The following AMDHD2 variants were observed in gnomAD, a reference collection of about 807,000 sequenced individuals.
The protein encoded by AMDHD2 is N-acetylglucosamine-6-phosphate deacetylase.
A neutral mutation model predicts 41.8 loss-of-function variants in AMDHD2; 24 were observed. The observed-to-expected ratio is 0.57, with a 90% CI of 0.42 to 0.81. AMDHD2 has a LOEUF of 0.81. Among genes scored for constraint, AMDHD2 ranks in the 30% least tolerant of loss-of-function variants. The pLI is 0.00. For missense variants in AMDHD2, 540 were observed against 588.5 expected (o/e 0.92, Z 0.85); for synonymous variants, 332 against 255.5 (o/e 1.30, Z -2.85).
chr16:2,527,894 C>G lies in AMDHD2; in HGVS notation c.537C>G (p.Asp179Glu), dbSNP rs1459602408. ...TGCTGGCCACCTACGGGCCCCTGGA[C>G]AATGTCCGCATCGTGACGCTGGCCC... The part of the protein sequence containing the change: ...QDLLATYGPL[D>E]NVRIVTLAPE... Residue 179 changes from aspartate to glutamate, a missense_variant, in exon 5 of 11, where the codon GAC becomes GAG. By Grantham distance (45) the Asp-to-Glu change is conservative. Transcript: ENST00000293971. This position sits in a 1 kb window ranked among gnomAD's most constrained non-coding sequence, Gnocchi z 6.1. 6.3e-7 allele frequency: 1 copy of G among 1,596,244 alleles called. No individual in the cohort carries two copies.
chr16:2,525,807 G>A (rs1472717804), intron 3 of AMDHD2, among the ~76,000 whole-genome samples: 2 of 152,176 alleles, frequency 1.3e-5, no homozygotes, highest in African/African-American at 2.4e-5. Context: ...GCCTCCCCAG[G>A]TGCTGGGATT....
rs1014954970 is a variant in AMDHD2 at position 2,521,037 on chromosome 16, G to A, written c.274G>A (p.Ala92Thr). ...QATEDVGSGV[A>T]LVARRILSHG... ...CACGGAGGACGTGGGTTCGGGGGTT[G>A]CCCTCGTGGCCCGGAGGATCCTGTC... Residue 92 changes from alanine (A) to threonine (T), a missense_variant, in exon 3 of 11, where the codon GCC becomes ACC. Coordinates refer to ENST00000293971, the MANE Select transcript of AMDHD2 (RefSeq NM_001330449.2). The A allele has an allele frequency of 3.1e-6, 5 of 1,611,138 alleles. No homozygotes were observed. The Admixed American group carries it at 6.7e-5, about 22-fold the overall frequency.
chr16:2,528,684 G>C lies in AMDHD2; in HGVS notation c.1005G>C (p.Met335Ile). Residue 335 changes from methionine (M) to isoleucine (I), a missense_variant, in exon 9 of 11, where the codon ATG becomes ATC. Transcript: ENST00000293971. ...CGCTGAGTGGCAGCATAGCCCCAAT[G>C]GACGTCTGTGTCCGGCACTTCCTGC... ...TKTLSGSIAP[M>I]DVCVRHFLQA... 7 of 1,612,860 alleles carry C rather than the reference G, an allele frequency of 4.3e-6. No homozygotes were observed. The highest frequency in any genetic ancestry group is 5.9e-6 in the Non-Finnish European group (7 of 1,179,962).
Position 2,527,530 on chromosome 16 carries a change from G to A in AMDHD2, c.361-31G>A. ...GTGGCCTCTGGGAATGGGCTGTGGG[G>A]GACAGGGCTTTAACAGCTGGTTCCC... On this transcript the variant is annotated intron_variant, in intron 3 of 10. Transcript: ENST00000293971. This position sits in a 1 kb window ranked among gnomAD's most constrained non-coding sequence, Gnocchi z 6.1. The A allele has an allele frequency of 6.2e-7, 1 of 1,604,166 alleles. No individual in the cohort carries two copies. The highest frequency in any genetic ancestry group is 1.1e-5 in the South Asian group (1 of 88,790).
chr16:2,528,764 G>A, intron 9 of AMDHD2, 46 bp downstream of exon 9: 2 of 1,602,462 alleles, frequency 1.2e-6, no homozygotes, highest in Non-Finnish European at 1.7e-6. Flanking sequence ...TGTGAGTGGT[G>A]GGTCCCCAAG....
chr16:2,528,345 C>G lies in AMDHD2; in HGVS notation c.827C>G (p.Ala276Gly). The G allele has an allele frequency of 6.2e-7, 1 of 1,612,868 alleles. No individual in the cohort carries two copies. Among genetic ancestry groups the G allele is most frequent in the Non-Finnish European group, 8.5e-7 (1 of 1,179,942 alleles). The change falls in exon 7 of 11, where the codon GCC (alanine) becomes GGC (glycine). Residue 276 changes from alanine (A) to glycine (G), a missense_variant. By Grantham distance (60) the Ala-to-Gly change is moderately conservative. Coordinates refer to ENST00000293971, the MANE Select transcript of AMDHD2 (RefSeq NM_001330449.2). Reference protein sequence around the residue: ...MIADGTHTNPAALRIAHRAHP... With the variant: ...MIADGTHTNPGALRIAHRAHP... ...GCAGATGGCACGCACACCAACCCCG[C>G]CGCCCTGCGGATCGCCCACCGTGCC...
rs558177296 is a variant in AMDHD2 at position 2,525,810 on chromosome 16, C to T, written c.361-1751C>T. On this transcript the variant is annotated intron_variant, in intron 3 of 10. Coordinates refer to ENST00000293971, the MANE Select transcript of AMDHD2 (RefSeq NM_001330449.2). ...CCGCCTGCCTTGGCCTCCCCAGGTG[C>T]TGGGATTACTGGCGTGAGCCACCGC... Among the ~76,000 whole-genome samples, 454 of 152,344 alleles carry T rather than the reference C, an allele frequency of 3.0e-3. 4 individuals carry two copies. Among genetic ancestry groups the T allele is most frequent in the Admixed American group, 5.4e-3 (83 of 15,308 alleles).
At position 2,530,578 on chromosome 16, in the gene AMDHD2, T is replaced by G; in HGVS notation, c.*1015T>G. On this transcript the variant is annotated 3_prime_UTR_variant, in exon 11 of 11. Transcript: ENST00000293971. ...GGTGGGTGGCTCCCTTCCCCCTTGCTTACAGGTGCTGTCCTGGGCACAGGA... is the reference window on the plus strand; with the variant it reads ...GGTGGGTGGCTCCCTTCCCCCTTGCGTACAGGTGCTGTCCTGGGCACAGGA... The G allele has an allele frequency of 6.2e-7, 1 of 1,614,212 alleles. No homozygotes were observed. Among genetic ancestry groups the G allele is most frequent in the Non-Finnish European group, 8.5e-7 (1 of 1,180,026 alleles).
At position 2,530,373 on chromosome 16, in the gene AMDHD2, C is replaced by T. The variant is rs377703004; in HGVS notation, c.*810C>T. 1 of 1,614,202 alleles carries T rather than the reference C, an allele frequency of 6.2e-7. No individual in the cohort carries two copies. Among genetic ancestry groups the T allele is most frequent in the Non-Finnish European group, 8.5e-7 (1 of 1,180,016 alleles). On this transcript the variant is annotated 3_prime_UTR_variant, in exon 11 of 11. Transcript: ENST00000293971. ...CCTGCCATCTTCTGTGTCCCCTTGGCCCTGGCACACACCCATGTGGCAAAC... is the reference window on the plus strand; with the variant it reads ...CCTGCCATCTTCTGTGTCCCCTTGGTCCTGGCACACACCCATGTGGCAAAC...
Position 2,520,524 on chromosome 16 carries a change from C to A in AMDHD2, c.66C>A (p.Arg22=). The A allele has an allele frequency of 8.5e-7, 1 of 1,173,234 alleles. No individual in the cohort carries two copies. The highest frequency in any genetic ancestry group is 4.3e-5 in the East Asian group (1 of 23,492). 72.7% of individuals were successfully genotyped at this position (1,173,234 alleles called of 1,614,324 possible). Reference sequence around the variant, plus strand: ...AGTTCACTAACTGCCGGATCCTGCGCGGAGGGAAACTGCTCAGGTGGGCGC... The same window carrying A: ...AGTTCACTAACTGCCGGATCCTGCGAGGAGGGAAACTGCTCAGGTGGGCGC... ...VLQFTNCRIL[R]GGKLLREDLW... The change falls in exon 1 of 11, where the codon CGC becomes CGA. Residue 22 remains arginine, a synonymous_variant. Transcript: ENST00000293971.
In AMDHD2 at chr16:2,521,039, C is replaced by T. The variant is rs140279715; in HGVS notation, c.276C>T (p.Ala92=). The T allele has an allele frequency of 3.1e-6, 5 of 1,611,178 alleles. No individual in the cohort carries two copies. The African/African-American group carries it at 6.7e-5, about 22-fold the overall frequency. ...QATEDVGSGV[A]LVARRILSHG... is the part of the protein sequence containing the mutation. ...CGGAGGACGTGGGTTCGGGGGTTGC[C>T]CTCGTGGCCCGGAGGATCCTGTCGC... is the stretch of plus-strand genomic sequence containing the variant. The change falls in exon 3 of 11, where the codon GCC becomes GCT. Residue 92 remains alanine, a synonymous_variant. Transcript: ENST00000293971.
At chr16:2,521,609 A>G (rs1424957541) in intron 3 of AMDHD2, among the ~76,000 whole-genome samples, 3 of 152,010 alleles carry the variant, frequency 2.0e-5, no homozygotes, top group African/African-American at 4.8e-5. Flanking sequence ...CCCGGAAGAA[A>G]TTTGGTTGTC....
intron 9 of AMDHD2, 80 bp downstream of exon 9, chr16:2,528,798 G>A (rs2066044573): frequency 5.7e-6 from 9 of 1,586,258 alleles, no homozygotes; most frequent in Non-Finnish European, 6.8e-6. Context: ...TGCCCGGACT[G>A]TAGCCCAAGC....
intron 3 of AMDHD2, among the ~76,000 whole-genome samples, chr16:2,526,421 C>T (rs370580058): frequency 2.0e-5 from 3 of 152,210 alleles, no homozygotes; most frequent in East Asian, 3.9e-4. Flanking sequence ...TCTACTTCCC[C>T]GGGGGCCCGA....
rs2066038327 is a variant in AMDHD2, at chr16:2,528,502, C to T, written c.913C>T (p.Arg305Trp). 4 of 1,612,808 alleles carry T rather than the reference C, an allele frequency of 2.5e-6. No homozygotes were observed. Among genetic ancestry groups the T allele is most frequent in the Non-Finnish European group, 3.4e-6 (4 of 1,179,900 alleles). The change falls in exon 8 of 11, where the codon CGG becomes TGG. Residue 305 changes from arginine (R) to tryptophan (W), a missense_variant. Coordinates refer to ENST00000293971, the MANE Select transcript of AMDHD2 (RefSeq NM_001330449.2). ...AIPALGLGNG[R>W]HTLGQQEVEV... ...CCCTGCCTTGGGCCTGGGCAACGGCCGGCACACGCTGGGACAGCAGGAAGT... is the reference window on the plus strand; with the variant it reads ...CCCTGCCTTGGGCCTGGGCAACGGCTGGCACACGCTGGGACAGCAGGAAGT...
Position 2,520,480 on chromosome 16 carries a change from G to C in AMDHD2, c.22G>C (p.Ala8Pro). Residue 8 changes from alanine (A) to proline (P), a missense_variant, in exon 1 of 11, where the codon GCG becomes CCG. Coordinates refer to ENST00000293971, the MANE Select transcript of AMDHD2 (RefSeq NM_001330449.2). Reference protein sequence around the residue: MRGEQGAAGARVLQFTNC... With the variant: MRGEQGAPGARVLQFTNC... The stretch of plus-strand genomic sequence containing the variant: ...CACGATGCGCGGCGAGCAGGGCGCG[G>C]CGGGGGCCCGCGTGCTCCAGTTCAC... The C allele has an allele frequency of 1.5e-5, 19 of 1,233,330 alleles. No individual in the cohort carries two copies. Among genetic ancestry groups the C allele is most frequent in the Non-Finnish European group, 1.7e-5 (17 of 982,034 alleles). The allele number at this position is 1,233,330 out of a possible 1,614,324, so 76.4% of individuals were successfully genotyped here. A position where few individuals can be genotyped will look rare whatever the true frequency, so the allele number is the denominator to read the frequency against.
chr16:2,530,982 A>G lies in AMDHD2; in HGVS notation c.*1419A>G, dbSNP rs1275754898. ...AGCTGTCTTGCCAGGGCTCCCAGGC[A>G]GGGAGAGGCAGGTGAGGTTCTCAGC... On this transcript the variant is annotated 3_prime_UTR_variant, in exon 11 of 11. Coordinates refer to ENST00000293971, the MANE Select transcript of AMDHD2 (RefSeq NM_001330449.2). 2.5e-6 allele frequency: 4 copies of G among 1,613,238 alleles called. No individual in the cohort carries two copies. Among genetic ancestry groups the G allele is most frequent in the African/African-American group, 1.3e-5 (1 of 75,026 alleles).
At position 2,529,533 on chromosome 16, in the gene AMDHD2, G is replaced by A; in HGVS notation, c.1200G>A (p.Leu400=). ...HVQATYISGE[L]VWQADAARQ is the part of the protein sequence containing the mutation. The stretch of plus-strand genomic sequence containing the variant: ...AGGCCACCTACATCTCGGGTGAGCT[G>A]GTGTGGCAGGCGGACGCAGCTAGGC... Residue 400 remains leucine, a synonymous_variant, in exon 11 of 11, where the codon CTG becomes CTA. Transcript: ENST00000293971. 6.2e-7 allele frequency: 1 copy of A among 1,610,970 alleles called. No individual in the cohort carries two copies. Among genetic ancestry groups the A allele is most frequent in the Non-Finnish European group, 8.5e-7 (1 of 1,179,964 alleles).
In AMDHD2 at chr16:2,520,425, G is replaced by T; in HGVS notation, c.-34G>T. ...GGGCGCGGGATTTGGCCGCCGCGGG[G>T]CTCCGGAGCCGCTCGCTCCCGACAC... On this transcript the variant is annotated 5_prime_UTR_variant, in exon 1 of 11. Transcript: ENST00000293971. 8.2e-7 allele frequency: 1 copy of T among 1,224,860 alleles called. No individual in the cohort carries two copies. Among genetic ancestry groups the T allele is most frequent in the Non-Finnish European group, 1.0e-6 (1 of 979,310 alleles). 75.9% of individuals were successfully genotyped at this position (1,224,860 alleles called of 1,614,324 possible).
Sources: gnomAD v4.1 joint callset for allele counts (sites outside exome capture counted in the v4.1 genomes callset) on GRCh38, gnomAD v4.1.1 for gene constraint, Gnocchi (gnomAD v3.1) non-coding constraint, MANE v1.5 for transcripts, NCBI Gene and HGNC (gene_info 2026-07-23, HGNC 2026-07-21) for gene names.